Variants in GDF1 observed in about 807,000 individuals in gnomAD.
GDF1 encodes growth differentiation factor 1.
In GDF1, 8 loss-of-function variants were observed where a neutral mutation model predicts 7.4. That is an observed-to-expected ratio of 1.09 (90% CI 0.64 to 1.96). The LOEUF (loss-of-function observed/expected upper bound fraction) is 1.96. Ranked by LOEUF, GDF1 falls within the 30% of genes most tolerant of loss-of-function variation. GDF1 has a pLI of 0.00. For synonymous variants in GDF1, 311 were observed against 276.7 expected (o/e 1.12, Z -1.23); for missense variants, 574 against 551.5 (o/e 1.04, Z -0.41).
chr19:18,891,780 C>G (rs1247991036), intron 2 of GDF1, among the ~76,000 whole-genome samples: 1 of 151,808 alleles, frequency 6.6e-6, no homozygotes, highest in Non-Finnish European at 1.5e-5. Context: ...CATGTTGCCC[C>G]AGCTGCTCTT....
Position 18,878,153 on chromosome 19 carries a change from C to G in GDF1, c.-313+777G>C, listed in dbSNP as rs1365735962. 3.0e-6 allele frequency: 3 copies of G among 985,448 alleles called. No homozygotes were observed. The highest frequency in any genetic ancestry group is 3.6e-6 in the Non-Finnish European group (3 of 830,064). The allele number at this position is 985,448 out of a possible 1,614,324, so 61.0% of individuals were successfully genotyped here. ...GCCCCCACCGGCCAAATCAGAGGGC[C>G]TGGCTGGTCGGCACCTTCCAGGGCC... On this transcript the variant is annotated intron_variant, in intron 6 of 7. Coordinates refer to ENST00000247005, the MANE Select transcript of GDF1 (RefSeq NM_001492.6). This position sits in a 1 kb window ranked among gnomAD's most constrained non-coding sequence, Gnocchi z 4.6.
rs377152682 is a variant in GDF1 at position 18,884,277 on chromosome 19, G to A, written c.-913-10C>T. ...ATGCCCGGCGTCCAGTCTGGGGAGA[G>A]CCAAATCTCACAGTCAGGGCCCTGC... On this transcript the variant is annotated splice_polypyrimidine_tract_variant and intron_variant, in intron 2 of 7. Coordinates refer to ENST00000247005, the MANE Select transcript of GDF1 (RefSeq NM_001492.6). 65 of 1,606,582 alleles carry A rather than the reference G, an allele frequency of 4.0e-5. 1 individual carries two copies. In the Middle Eastern group the frequency reaches 6.6e-4, roughly 16 times the overall value.
At chr19:18,875,112 T>G (rs922032851) in intron 6 of GDF1, among the ~76,000 whole-genome samples, 1 of 151,958 alleles carries the variant, frequency 6.6e-6, no homozygotes, top group Non-Finnish European at 1.5e-5. Flanking sequence ...GGTGGGTGCC[T>G]GTGGTTCCAG....
intron 6 of GDF1, among the ~76,000 whole-genome samples, chr19:18,874,685 G>A (rs748831347): frequency 2.3e-4 from 35 of 152,218 alleles, no homozygotes; most frequent in South Asian, 4.1e-4. Flanking sequence ...AGCTACGGGC[G>A]TCAGTGTAGG....
intron 2 of GDF1, among the ~76,000 whole-genome samples, chr19:18,888,245 G>A (rs2056406704): frequency 6.6e-6 from 1 of 152,104 alleles, no homozygotes; most frequent in South Asian, 2.1e-4. Flanking sequence ...TGTAGTCCCA[G>A]CTATTCGGGA....
At chr19:18,874,060 C>A (rs2056020901) in intron 6 of GDF1, among the ~76,000 whole-genome samples, 1 of 152,150 alleles carries the variant, frequency 6.6e-6, no homozygotes, top group Admixed American at 6.5e-5. Context: ...AGCACGTTCT[C>A]TCCTGGGTTG....
chr19:18,890,786 A>G lies in GDF1; in HGVS notation c.-914+2630T>C, dbSNP rs1189573302. ...ACAGAGTAAGACCGCGTCTGGGGAA[A>G]AAAAAAAAAAAAAAAAAGCAGCTAA... On this transcript the variant is annotated intron_variant, in intron 2 of 7. Coordinates refer to ENST00000247005, the MANE Select transcript of GDF1 (RefSeq NM_001492.6). Among the ~76,000 whole-genome samples, 3 of 149,378 alleles carry G rather than the reference A, an allele frequency of 2.0e-5. No homozygotes were observed. The South Asian group carries it at 6.3e-4, about 32-fold the overall frequency.
At position 18,870,235 on chromosome 19, in the gene GDF1, G is replaced by A; in HGVS notation, c.73C>T (p.Pro25Ser). The A allele has an allele frequency of 1.9e-6, 3 of 1,552,698 alleles. No homozygotes were observed. Among genetic ancestry groups the A allele is most frequent in the Non-Finnish European group, 2.6e-6 (3 of 1,152,490 alleles). Residue 25 changes from proline (P) to serine (S), a missense_variant, in exon 7 of 8, where the codon CCC (proline) becomes TCC (serine). By Grantham distance (74) the Pro-to-Ser change is moderately conservative. Coordinates refer to ENST00000247005, the MANE Select transcript of GDF1 (RefSeq NM_001492.6). The surrounding 1 kb of genome is among the most constrained non-coding windows in gnomAD (Gnocchi z 5.1). ...GGGGGCACGGGGGCGCGGGTCAGGG[G>A]CAGCGAGGGCAGCAGCAGGGCCAGG... ...LLLALLLPSL[P>S]LTRAPVPPGP...
chr19:18,887,412 T>C (rs191925935), intron 2 of GDF1, among the ~76,000 whole-genome samples: 378 of 152,166 alleles, frequency 2.5e-3, no homozygotes, highest in Non-Finnish European at 3.8e-3. Context: ...ATGATAATGT[T>C]CCAGACCTAG....
chr19:18,894,693 G>C (rs2056582713), intron 1 of GDF1, among the ~76,000 whole-genome samples: 1 of 152,146 alleles, frequency 6.6e-6, no homozygotes, highest in Non-Finnish European at 1.5e-5. Flanking sequence ...GCCCTGGACA[G>C]CCCTGTCTCC....
chr19:18,885,898 GCTGC>G (rs2056344846), intron 2 of GDF1, among the ~76,000 whole-genome samples: 1 of 152,150 alleles, frequency 6.6e-6, no homozygotes, highest in Non-Finnish European at 1.5e-5. Context: ...GACAGATGCG[GCTGC>G]CCACGGAGTC....
At position 18,895,140 on chromosome 19, in the gene GDF1, C is replaced by T. The variant is rs536167088; in HGVS notation, c.-1074+684G>A. 4.7e-4 allele frequency among the ~76,000 whole-genome samples: 72 copies of T among 152,260 alleles called. 2 individuals are homozygous for T. Among genetic ancestry groups the T allele is most frequent in the Admixed American group, 1.3e-4 (2 of 15,294 alleles). On this transcript the variant is annotated intron_variant, in intron 1 of 7. Coordinates refer to ENST00000247005, the MANE Select transcript of GDF1 (RefSeq NM_001492.6). This position sits in a 1 kb window ranked among gnomAD's most constrained non-coding sequence, Gnocchi z 6.4. ...CCGGGCCATGTCACCTCCAAGGGAG[C>T]GACCACTGGCGTGGCCAGAGCACCC...
chr19:18,868,653 T>C lies in GDF1; in HGVS notation c.1063A>G (p.Asn355Asp). The C allele has an allele frequency of 6.3e-7, 1 of 1,575,082 alleles. No homozygotes were observed. The highest frequency in any genetic ancestry group is 1.2e-5 in the South Asian group (1 of 85,976). Reference sequence around the variant, plus strand: ...TCCTCATACTGCCGCAGCACCACGTTGTCGCTGTTGTCAAAGAAGAGCACG... The same window carrying C: ...TCCTCATACTGCCGCAGCACCACGTCGTCGCTGTTGTCAAAGAAGAGCACG... ...ISVLFFDNSDNVVLRQYEDMV... is the reference protein window; with the variant it reads ...ISVLFFDNSDDVVLRQYEDMV... The change falls in exon 8 of 8, where the codon AAC becomes GAC. Residue 355 changes from asparagine (N) to aspartate (D), a missense_variant. Physicochemically the swap from Asn to Asp is conservative, Grantham distance 23 (BLOSUM62 1). Transcript: ENST00000247005.
At position 18,868,999 on chromosome 19, in the gene GDF1, G is replaced by A; in HGVS notation, c.717C>T (p.Thr239=). The change falls in exon 8 of 8, where the codon ACC becomes ACT. Residue 239 remains threonine, a synonymous_variant. Transcript: ENST00000247005. ...RLAEASLLLV[T]LDPRLCHPLA... is the part of the protein sequence containing the mutation. ...GGGGGTGGCACAGGCGCGGGTCGAGGGTCACCAGCAGCAGCGAGGCCTCGG... is the reference window on the plus strand; with the variant it reads ...GGGGGTGGCACAGGCGCGGGTCGAGAGTCACCAGCAGCAGCGAGGCCTCGG... 1 of 1,104,010 alleles carries A rather than the reference G, an allele frequency of 9.1e-7. No homozygotes were observed. The highest frequency in any genetic ancestry group is 4.1e-5 in the South Asian group (1 of 24,568). 68.4% of individuals were successfully genotyped at this position (1,104,010 alleles called of 1,614,324 possible).
chr19:18,873,949 T>C (rs1352991745), intron 6 of GDF1, among the ~76,000 whole-genome samples: 1 of 150,836 alleles, frequency 6.6e-6, no homozygotes, highest in Admixed American at 6.6e-5. Flanking sequence ...GGGAGGAAGA[T>C]GGGGCACAGC....
In GDF1 at chr19:18,885,526, T is replaced by G. The variant is rs1209447127; in HGVS notation, c.-913-1259A>C. Among the ~76,000 whole-genome samples, 22 of 148,512 alleles carry G rather than the reference T, an allele frequency of 1.5e-4. No homozygotes were observed. In the East Asian group the frequency reaches 4.0e-3, roughly 27 times the overall value. ...GCCCCTTCTCGTTTTTTTTTTTTTT[T>G]TTTTTTTTTTTGAGATGGAGTCTTG... On this transcript the variant is annotated intron_variant, in intron 2 of 7. Transcript: ENST00000247005.
At chr19:18,883,226 G>A (rs1212133950) in intron 3 of GDF1, 12 of 152,152 alleles carry the variant, frequency 7.9e-5, no homozygotes, top group Non-Finnish European at 1.8e-4. Flanking sequence ...AGCTAGTCCC[G>A]TAGGAATAGT....
intron 2 of GDF1, among the ~76,000 whole-genome samples, chr19:18,889,820 GT>G (rs1394897258): frequency 6.6e-6 from 1 of 151,840 alleles, no homozygotes; most frequent in Non-Finnish European, 1.5e-5. Context: ...CAGAATCTTG[GT>G]CTCCCTGACC....
In GDF1 at chr19:18,896,103, T is replaced by TGCGC; in HGVS notation, c.-1357_-1354dup. 1 of 872,886 alleles carries TGCGC rather than the reference T, an allele frequency of 1.1e-6. No homozygotes were observed. Among genetic ancestry groups the TGCGC allele is most frequent in the Non-Finnish European group, 1.4e-6 (1 of 730,666 alleles). 54.1% of individuals were successfully genotyped at this position (872,886 alleles called of 1,614,324 possible). A position where few individuals can be genotyped will look rare whatever the true frequency, so the allele number is the denominator to read the frequency against. On this transcript the variant is annotated 5_prime_UTR_variant, in exon 1 of 8. Coordinates refer to ENST00000247005, the MANE Select transcript of GDF1 (RefSeq NM_001492.6). This position sits in a 1 kb window ranked among gnomAD's most constrained non-coding sequence, Gnocchi z 5.9. Reference sequence around the variant, plus strand: ...CCGCTCGCCCGCCGTGCCCGTCGCCTGCGCCCGCCCGCGGTAGCCGACGGA... The same window carrying TGCGC: ...CCGCTCGCCCGCCGTGCCCGTCGCCTGCGCGCGCCCGCCCGCGGTAGCCGACGGA...
Sources: gnomAD v4.1 joint callset for allele counts (sites outside exome capture counted in the v4.1 genomes callset) on GRCh38, gnomAD v4.1.1 for gene constraint, Gnocchi (gnomAD v3.1) non-coding constraint, MANE v1.5 for transcripts, NCBI Gene and HGNC (gene_info 2026-07-23, HGNC 2026-07-21) for gene names.